UPF2: variants seen among roughly 807,000 people sequenced by gnomAD.
UPF2 encodes the protein regulator of nonsense transcripts 2.
In UPF2, 17 loss-of-function variants were observed where a neutral mutation model predicts 141.4. The observed-to-expected ratio is 0.12, with a 90% CI of 0.08 to 0.18. The LOEUF (loss-of-function observed/expected upper bound fraction) is 0.18. UPF2 is among the 10% of genes least tolerant of loss of function. The probability of loss-of-function intolerance (pLI) is 1.00; values close to 1 mark genes in which losing one functional copy is unlikely to be tolerated. For synonymous variants in UPF2, 540 were observed against 498.0 expected, an observed-to-expected ratio of 1.08 and a Z score of -1.12; for missense variants, 1,152 against 1,515.9, an observed-to-expected ratio of 0.76 and a Z score of 3.99.
chr10:12,039,424 A>AAACATATGGGGACATATG (rs1834694060), intron 1 of UPF2, among the ~76,000 whole-genome samples: 1 of 152,198 alleles, frequency 6.6e-6, no homozygotes, highest in African/African-American at 2.4e-5. Context: ...CTTTTAGCAG[A>AAACATATGGGGACATATG]CTCTGGCTGA....
rs61678431 is a variant in UPF2 at position 12,024,931 on chromosome 10, CAAAAAAAA to C, written c.1145+3806_1145+3813del. On this transcript the variant is annotated intron_variant, in intron 3 of 21. Coordinates refer to ENST00000357604, the MANE Select transcript of UPF2 (RefSeq NM_015542.4). ...CCCAGGTAAGAGGGAGACCCTGTTA[CAAAAAAAA>C]AAAAAAAAAAAAAAAAAACACAGCT... Among the ~76,000 whole-genome samples, 363 of 53,498 alleles carry C rather than the reference CAAAAAAAA, an allele frequency of 6.8e-3. 4 individuals carry two copies. The highest frequency in any genetic ancestry group is 0.026 in the African/African-American group (339 of 13,060). 35.1% of individuals were successfully genotyped at this position (53,498 alleles called of 152,430 possible).
At position 11,939,664 on chromosome 10, in the gene UPF2, G is replaced by C. The variant is rs760377418; in HGVS notation, c.3379-2952C>G. On this transcript the variant is annotated intron_variant, in intron 18 of 21. Transcript: ENST00000357604. This position sits in a 1 kb window ranked among gnomAD's most constrained non-coding sequence, Gnocchi z 4.8. The stretch of plus-strand genomic sequence containing the variant: ...TGAGTAGCTGGGATTACAGGCGCCT[G>C]CCACCATGCCTGGCTAATTTTTTTG... Among the ~76,000 whole-genome samples the C allele has an allele frequency of 6.6e-6, 1 of 151,946 alleles. No individual in the cohort carries two copies. Among genetic ancestry groups the C allele is most frequent in the African/African-American group, 2.4e-5 (1 of 41,360 alleles).
chr10:11,924,343 C>T (rs1199596977), intron 21 of UPF2, among the ~76,000 whole-genome samples: 1 of 152,118 alleles, frequency 6.6e-6, no homozygotes, highest in African/African-American at 2.4e-5. Context: ...TTTGGGAGGT[C>T]CAGGCAGGCA....
chr10:11,929,461 ACT>A (rs2131150323), intron 21 of UPF2, among the ~76,000 whole-genome samples: 1 of 152,174 alleles, frequency 6.6e-6, no homozygotes, highest in South Asian at 2.1e-4. Context: ...ATATGGCGAG[ACT>A]CTGTCTCTAC....
intron 9 of UPF2, among the ~76,000 whole-genome samples, chr10:11,977,720 C>G (rs17557537): frequency 0.06 from 9,114 of 152,246 alleles, 373 homozygotes; most frequent in Non-Finnish European, 0.092. Context: ...TGTCTCTGAA[C>G]TAGCAGCATT....
intron 4 of UPF2, among the ~76,000 whole-genome samples, chr10:12,012,076 G>GTT (rs36109528): frequency 6.3e-5 from 9 of 143,604 alleles, no homozygotes; most frequent in African/African-American, 1.3e-4. Flanking sequence ...TATGCTAAAT[G>GTT]TTTTTTTTTT....
At chr10:11,993,225 G>A (rs1400888426) in intron 8 of UPF2, among the ~76,000 whole-genome samples, 2 of 150,250 alleles carry the variant, frequency 1.3e-5, no homozygotes, top group Non-Finnish European at 3.0e-5. Flanking sequence ...AGGCCAAAAG[G>A]CATTAAATAA....
At chr10:11,977,837 A>C (rs1833531176) in intron 9 of UPF2, among the ~76,000 whole-genome samples, 1 of 152,226 alleles carries the variant, frequency 6.6e-6, no homozygotes, top group African/African-American at 2.4e-5. Flanking sequence ...AAAACAAAAC[A>C]AAACCACTTA....
chr10:12,003,638 T>C (rs1833987822), intron 5 of UPF2, among the ~76,000 whole-genome samples: 1 of 152,028 alleles, frequency 6.6e-6, no homozygotes, highest in African/African-American at 2.4e-5. Context: ...CGTTTAGGAA[T>C]GCATAGGCTG....
chr10:11,989,038 A>C (rs1225906540), intron 8 of UPF2, among the ~76,000 whole-genome samples: 3 of 152,196 alleles, frequency 2.0e-5, no homozygotes, highest in African/African-American at 7.2e-5. Context: ...CCTGGAAGTG[A>C]AGGACAAAAT....
intron 5 of UPF2, 33 bp from the exon 6 acceptor site, chr10:12,001,858 A>G: frequency 6.5e-7 from 1 of 1,537,232 alleles, no homozygotes; most frequent in Non-Finnish European, 8.7e-7. Flanking sequence ...ACCTAAATTC[A>G]AAGTCATATG....
intron 15 of UPF2, among the ~76,000 whole-genome samples, chr10:11,948,931 A>G (rs1396089819): frequency 6.6e-6 from 1 of 152,248 alleles, no homozygotes; most frequent in Non-Finnish European, 1.5e-5. Context: ...AAGACATGAA[A>G]AAAATCGTGC....
chr10:11,928,048 T>C (rs1170109906), intron 21 of UPF2, among the ~76,000 whole-genome samples: 2 of 152,196 alleles, frequency 1.3e-5, no homozygotes, highest in Non-Finnish European at 2.9e-5. Flanking sequence ...GTGAGATCAG[T>C]AAGGGCAGCA....
In UPF2 at chr10:11,950,964, C is replaced by A. The variant is rs11257443; in HGVS notation, c.3034+1102G>T. ...AAATTTATATAATTTGCATAACTGGCGAAAGTAAAGATCCCTTAATGACAG... is the reference window on the plus strand; with the variant it reads ...AAATTTATATAATTTGCATAACTGGAGAAAGTAAAGATCCCTTAATGACAG... On this transcript the variant is annotated intron_variant, in intron 15 of 21. Coordinates refer to ENST00000357604, the MANE Select transcript of UPF2 (RefSeq NM_015542.4). Among the ~76,000 whole-genome samples, 10 of 152,194 alleles carry A rather than the reference C, an allele frequency of 6.6e-5. No homozygotes were observed. The East Asian group carries it at 1.7e-3, about 26-fold the overall frequency.
chr10:11,993,621 G>C (rs541740955), intron 8 of UPF2, among the ~76,000 whole-genome samples: 3 of 151,896 alleles, frequency 2.0e-5, no homozygotes, highest in African/African-American at 7.2e-5. Flanking sequence ...CCCTCTACCT[G>C]GAAATTTTGA....
chr10:11,956,372 A>T lies in UPF2; in HGVS notation c.2522T>A (p.Val841Asp). Residue 841 changes from valine (V) to aspartate (D), a missense_variant, in exon 13 of 22, where the codon GTT becomes GAT. Coordinates refer to ENST00000357604, the MANE Select transcript of UPF2 (RefSeq NM_015542.4). This position sits in a 1 kb window ranked among gnomAD's most constrained non-coding sequence, Gnocchi z 4.2. ...CACTCCATCCACAACGTGGATCCCA[A>T]CATCCTCTTGGTAGAGCACTAGTCC... ...LAGLVLYQED[V>D]GIHVVDGVLE... 1 of 1,614,124 alleles carries T rather than the reference A, an allele frequency of 6.2e-7. No individual in the cohort carries two copies. The highest frequency in any genetic ancestry group is 8.5e-7 in the Non-Finnish European group (1 of 1,180,004).
chr10:11,942,973 CAAAAG>C lies in UPF2; in HGVS notation c.3279+86_3279+90del, dbSNP rs1278620184. The C allele has an allele frequency of 7.2e-6, 7 of 968,720 alleles. No homozygotes were observed. The African/African-American group carries it at 1.2e-4, about 16-fold the overall frequency. The allele number at this position is 968,720 out of a possible 1,614,324, so 60.0% of individuals were successfully genotyped here. Reference sequence around the variant, plus strand: ...TTTCTAAAGAAATATTTTTCATAATCAAAAGAAACAAATTCAGTTTCGTGACTAAA... The same window carrying C: ...TTTCTAAAGAAATATTTTTCATAATCAAACAAATTCAGTTTCGTGACTAAA... On this transcript the variant is annotated intron_variant, in intron 17 of 21. Coordinates refer to ENST00000357604, the MANE Select transcript of UPF2 (RefSeq NM_015542.4).
chr10:11,975,369 C>G (rs1307284621), intron 9 of UPF2, among the ~76,000 whole-genome samples: 1 of 152,198 alleles, frequency 6.6e-6, no homozygotes, highest in African/African-American at 2.4e-5. Context: ...ATGTTCCCAC[C>G]ATCCAAAGAC....
intron 4 of UPF2, among the ~76,000 whole-genome samples, chr10:12,005,870 G>A (rs557522517): frequency 3.4e-4 from 50 of 145,796 alleles, no homozygotes; most frequent in Non-Finnish European, 6.5e-4. Flanking sequence ...CACGCCCAGC[G>A]TTTATTTATT....
Sources: allele counts gnomAD v4.1 joint callset (sites outside exome capture counted in the v4.1 genomes callset), GRCh38; gene constraint gnomAD v4.1.1; non-coding constraint Gnocchi (gnomAD v3.1); transcripts MANE v1.5; gene names NCBI Gene and HGNC (gene_info 2026-07-23, HGNC 2026-07-21).